The following CTNNBL1 variants were observed in gnomAD, a reference collection of about 807,000 sequenced individuals.
CTNNBL1 encodes catenin beta like 1, also known as beta-catenin-like protein 1.
CTNNBL1 carries 31 observed loss-of-function variants against 72.7 expected under a neutral mutation model. The observed-to-expected ratio is 0.43, with a 90% CI of 0.32 to 0.58. CTNNBL1 has a LOEUF of 0.58. CTNNBL1 is among the 20% of genes least tolerant of loss of function. The pLI is 0.08. For synonymous variants in CTNNBL1, 240 were observed against 267.3 expected, an observed-to-expected ratio of 0.90 and a Z score of 1.00; for missense variants, 534 against 725.1, an observed-to-expected ratio of 0.74 and a Z score of 3.03.
At position 37,780,964 on chromosome 20, in the gene CTNNBL1, G is replaced by A. The variant is rs530150947; in HGVS notation, c.1031+1629G>A. On this transcript the variant is annotated intron_variant, in intron 10 of 15. Transcript: ENST00000361383. ...TATTATCTTTAAAAGGCTTCTGGGG[G>A]GCTGGAGGCACAGTAGACCTCTTCA... Among the ~76,000 whole-genome samples the A allele has an allele frequency of 3.3e-5, 5 of 152,140 alleles. No individual in the cohort carries two copies. In the East Asian group the frequency reaches 9.6e-4, roughly 29 times the overall value.
intron 6 of CTNNBL1, 111 bp from the exon 7 acceptor site, chr20:37,767,842 A>C: frequency 1.3e-6 from 1 of 799,904 alleles, no homozygotes; most frequent in Non-Finnish European, 2.2e-6. Flanking sequence ...TCTGGCTGGG[A>C]GTAATGCAGG....
At chr20:37,846,670 C>T (rs950557068) in intron 13 of CTNNBL1, among the ~76,000 whole-genome samples, 1 of 152,122 alleles carries the variant, frequency 6.6e-6, no homozygotes, top group Non-Finnish European at 1.5e-5. Flanking sequence ...TGATTCCCTG[C>T]TGCTGCAAGG....
At chr20:37,824,770 C>A (rs2072143269) in intron 11 of CTNNBL1, among the ~76,000 whole-genome samples, 1 of 152,168 alleles carries the variant, frequency 6.6e-6, no homozygotes, top group African/African-American at 2.4e-5. Context: ...GCCCCAAGCA[C>A]CTATAAAAGT....
chr20:37,843,215 GCTTA>G (rs2072319555), intron 13 of CTNNBL1, among the ~76,000 whole-genome samples: 1 of 152,116 alleles, frequency 6.6e-6, no homozygotes, highest in Admixed American at 6.5e-5. Context: ...ATGACGCCTG[GCTTA>G]CTTTTTTCCA....
rs2122889662 is a variant in CTNNBL1, at chr20:37,872,084, T to A, written c.*71T>A. On this transcript the variant is annotated 3_prime_UTR_variant, in exon 16 of 16. Transcript: ENST00000361383. ...CAGGATCAGTTTCTACACAACTCTG[T>A]GTGGCTTTTGGACAAATTAAAGCTA... 3 of 1,359,378 alleles carry A rather than the reference T, an allele frequency of 2.2e-6. No individual in the cohort carries two copies. In the East Asian group the frequency reaches 6.9e-5, roughly 31 times the overall value. 84.2% of individuals were successfully genotyped at this position (1,359,378 alleles called of 1,614,324 possible). A position where few individuals can be genotyped will look rare whatever the true frequency, so the allele number is the denominator to read the frequency against.
intron 10 of CTNNBL1, among the ~76,000 whole-genome samples, chr20:37,795,432 T>C (rs1392868722): frequency 6.6e-6 from 1 of 152,368 alleles, no homozygotes; most frequent in East Asian, 1.9e-4. Context: ...TAATGGTATG[T>C]ATATGATATA....
At chr20:37,745,565 A>G (rs2073255019) in intron 3 of CTNNBL1, among the ~76,000 whole-genome samples, 1 of 152,126 alleles carries the variant, frequency 6.6e-6, no homozygotes, top group African/African-American at 2.4e-5. Context: ...AGATAACCTT[A>G]TTGTCCCTAT....
At chr20:37,727,178 A>G (rs1467116586) in intron 1 of CTNNBL1, 1 of 173,908 alleles carries the variant, frequency 5.8e-6, no homozygotes, top group Admixed American at 6.5e-5. Context: ...AGAGGGAAAA[A>G]TGAAACCCAA....
chr20:37,739,757 A>T (rs962164780), intron 3 of CTNNBL1, among the ~76,000 whole-genome samples: 2 of 152,078 alleles, frequency 1.3e-5, no homozygotes, highest in African/African-American at 4.8e-5. Context: ...CTTTTAGGAG[A>T]TGGACGGTGT....
rs149374952 is a variant in CTNNBL1, at chr20:37,714,165, T to C, written c.31-18714T>C. Among the ~76,000 whole-genome samples, 205 of 152,302 alleles carry C rather than the reference T, an allele frequency of 1.3e-3. 1 individual carries two copies. The highest frequency in any genetic ancestry group is 6.8e-3 in the Middle Eastern group (2 of 294). ...TACTTTCCTCCAAGTCTACTCTGCCTGCCACTCTCTATTGGAATTTCTTGA... is the reference window on the plus strand; with the variant it reads ...TACTTTCCTCCAAGTCTACTCTGCCCGCCACTCTCTATTGGAATTTCTTGA... On this transcript the variant is annotated intron_variant, in intron 1 of 15. Transcript: ENST00000361383.
chr20:37,713,854 G>A (rs184341980), intron 1 of CTNNBL1, among the ~76,000 whole-genome samples: 4 of 152,244 alleles, frequency 2.6e-5, no homozygotes, highest in African/African-American at 9.6e-5. Flanking sequence ...GGACTACTCG[G>A]TATCAAAGCC....
chr20:37,870,134 C>T (rs1036182230), intron 15 of CTNNBL1, among the ~76,000 whole-genome samples: 1 of 152,098 alleles, frequency 6.6e-6, no homozygotes, highest in African/African-American at 2.4e-5. Flanking sequence ...CAAGCCTGCC[C>T]ACCATGACAC....
At chr20:37,794,069 G>A (rs947225185) in intron 10 of CTNNBL1, among the ~76,000 whole-genome samples, 4 of 152,010 alleles carry the variant, frequency 2.6e-5, no homozygotes, top group Admixed American at 1.3e-4. Flanking sequence ...ATGAGCCACC[G>A]CACCCGGCCA....
intron 5 of CTNNBL1, among the ~76,000 whole-genome samples, chr20:37,758,687 A>G (rs2073386751): frequency 6.6e-6 from 1 of 152,158 alleles, no homozygotes; most frequent in South Asian, 2.1e-4. Flanking sequence ...ATCCCTCCTC[A>G]AGGCTCTGTG....
At chr20:37,742,479 C>T (rs2073225536) in intron 3 of CTNNBL1, among the ~76,000 whole-genome samples, 1 of 152,154 alleles carries the variant, frequency 6.6e-6, no homozygotes, top group East Asian at 1.9e-4. Flanking sequence ...CAGAAAGAAA[C>T]ACATGTGCCC....
At chr20:37,705,587 C>CA (rs1390098223) in intron 1 of CTNNBL1, among the ~76,000 whole-genome samples, 1 of 152,112 alleles carries the variant, frequency 6.6e-6, no homozygotes, top group Non-Finnish European at 1.5e-5. Flanking sequence ...ACACATGCTA[C>CA]AGTATAGAAA....
At chr20:37,738,121 T>G (rs370246602) in intron 3 of CTNNBL1, among the ~76,000 whole-genome samples, 40 of 152,344 alleles carry the variant, frequency 2.6e-4, no homozygotes, top group African/African-American at 8.9e-4. Flanking sequence ...TTCTTTTCAG[T>G]GCCCAAAGAA....
chr20:37,825,171 G>A (rs2122778601), intron 11 of CTNNBL1, among the ~76,000 whole-genome samples: 1 of 152,204 alleles, frequency 6.6e-6, no homozygotes, highest in Non-Finnish European at 1.5e-5. Context: ...TGGTCAACAT[G>A]GTGAAACCCC....
chr20:37,771,117 C>G (rs1032609798), intron 7 of CTNNBL1, among the ~76,000 whole-genome samples: 3 of 152,122 alleles, frequency 2.0e-5, no homozygotes, highest in African/African-American at 7.2e-5. Flanking sequence ...TACTCCCTGC[C>G]CTTCCAATCT....
Sources: gnomAD v4.1 joint callset for allele counts (sites outside exome capture counted in the v4.1 genomes callset) on GRCh38, gnomAD v4.1.1 for gene constraint, MANE v1.5 for transcripts, NCBI Gene and HGNC (gene_info 2026-07-23, HGNC 2026-07-21) for gene names.